MRTFA: variants seen among roughly 807,000 people sequenced by gnomAD.
MRTFA encodes myocardin related transcription factor A, also known as myocardin-related transcription factor A.
In MRTFA, 20 loss-of-function variants were observed where a neutral mutation model predicts 83.5. That is an observed-to-expected ratio of 0.24 (90% CI 0.17 to 0.35). MRTFA has a LOEUF of 0.35. Among genes scored for constraint, MRTFA ranks in the 10% least tolerant of loss-of-function variants. MRTFA has a pLI of 1.00. For missense variants in MRTFA, 1,200 were observed against 1,224.7 expected (o/e 0.98, Z 0.30); for synonymous variants, 659 against 541.2 (o/e 1.22, Z -3.02).
Position 40,417,003 on chromosome 22 carries a change from A to C in MRTFA, c.2561T>G (p.Ile854Ser). 1 of 1,598,994 alleles carries C rather than the reference A, an allele frequency of 6.3e-7. No homozygotes were observed. The highest frequency in any genetic ancestry group is 1.1e-5 in the South Asian group (1 of 87,932). ...GGGGTTACCTCCGCTCTGAATGAGA[A>C]TGTCAAACAGGTCGTCCATCTGCTG... The change falls in exon 14 of 15, where the codon ATT becomes AGT. Residue 854 changes from isoleucine to serine, a missense_variant. Around this residue, in one of 2 missense-constraint regions of MRTFA, gnomAD observed 1,107 missense variants for 1,041.8 expected, o/e 1.06. Coordinates refer to ENST00000355630, the MANE Select transcript of MRTFA (RefSeq NM_020831.6).
intron 3 of MRTFA, among the ~76,000 whole-genome samples, chr22:40,494,605 C>T (rs2054320442): frequency 6.6e-6 from 1 of 151,724 alleles, no homozygotes; most frequent in Non-Finnish European, 1.5e-5. Flanking sequence ...CACTCGAGCC[C>T]AGGGGGCGAA....
intron 2 of MRTFA, among the ~76,000 whole-genome samples, chr22:40,575,222 G>A (rs1418585866): frequency 6.6e-6 from 1 of 152,174 alleles, no homozygotes; most frequent in African/African-American, 2.4e-5. Flanking sequence ...TTCAATAGAT[G>A]TTAACTCCTT....
chr22:40,546,562 A>C (rs1467342811), intron 3 of MRTFA, among the ~76,000 whole-genome samples: 2 of 152,228 alleles, frequency 1.3e-5, no homozygotes, highest in African/African-American at 4.8e-5. Flanking sequence ...TGGCAATGGC[A>C]GTTTCTGAAG....
At chr22:40,613,387 A>G (rs76204748) in intron 1 of MRTFA, among the ~76,000 whole-genome samples, 1,660 of 152,338 alleles carry the variant, frequency 0.011, 12 homozygotes, top group Non-Finnish European at 0.018. Context: ...GAATAAGTAT[A>G]TATCTAACCT....
chr22:40,455,595 G>A (rs1285443031), intron 4 of MRTFA, among the ~76,000 whole-genome samples: 2 of 149,654 alleles, frequency 1.3e-5, no homozygotes, highest in African/African-American at 4.9e-5. Context: ...GCAGTGAGCC[G>A]AGATCGCGCC....
chr22:40,600,829 T>C (rs1307439447), intron 1 of MRTFA, among the ~76,000 whole-genome samples: 1 of 152,090 alleles, frequency 6.6e-6, no homozygotes, highest in Non-Finnish European at 1.5e-5. Context: ...GATACAAAAA[T>C]TAGCCGGCCG....
intron 3 of MRTFA, among the ~76,000 whole-genome samples, chr22:40,463,686 C>T (rs2053758147): frequency 6.6e-6 from 1 of 151,780 alleles, no homozygotes; most frequent in Non-Finnish European, 1.5e-5. Flanking sequence ...AAATGTTTAC[C>T]ACCATAAGTA....
chr22:40,426,222 C>T (rs1322786314), intron 7 of MRTFA, among the ~76,000 whole-genome samples: 3 of 152,106 alleles, frequency 2.0e-5, no homozygotes, highest in Non-Finnish European at 4.4e-5. Context: ...TCATCTGAGC[C>T]AAACTTCCTT....
chr22:40,630,412 A>C (rs1321327241), intron 1 of MRTFA, among the ~76,000 whole-genome samples: 2 of 152,186 alleles, frequency 1.3e-5, no homozygotes, highest in Non-Finnish European at 2.9e-5. Context: ...AAACAAAAGA[A>C]ACAAACAAAA....
At chr22:40,614,636 A>T (rs1050410054) in intron 1 of MRTFA, among the ~76,000 whole-genome samples, 1 of 152,032 alleles carries the variant, frequency 6.6e-6, no homozygotes, top group Non-Finnish European at 1.5e-5. Context: ...TACTGGCATA[A>T]GCCACCACAC....
chr22:40,548,682 G>A (rs565040222), intron 3 of MRTFA, among the ~76,000 whole-genome samples: 356 of 152,072 alleles, frequency 2.3e-3, no homozygotes, highest in Non-Finnish European at 4.3e-3. Flanking sequence ...TGGCCAACAT[G>A]GTGAAACCCC....
chr22:40,469,250 G>C (rs1477915474), intron 3 of MRTFA, among the ~76,000 whole-genome samples: 1 of 152,200 alleles, frequency 6.6e-6, no homozygotes, highest in Non-Finnish European at 1.5e-5. Context: ...GCGGGGCCTA[G>C]TGGGAAGTGT....
At chr22:40,453,406 G>A (rs2053529658) in intron 4 of MRTFA, among the ~76,000 whole-genome samples, 1 of 152,204 alleles carries the variant, frequency 6.6e-6, no homozygotes, top group African/African-American at 2.4e-5. Context: ...CCGGACTGGG[G>A]CAGAGGGCCA....
intron 2 of MRTFA, among the ~76,000 whole-genome samples, chr22:40,591,531 G>A (rs183546212): frequency 1.3e-4 from 20 of 152,276 alleles, no homozygotes; most frequent in African/African-American, 4.1e-4. Context: ...AATAAAATGT[G>A]CGCCTTACTT....
intron 1 of MRTFA, among the ~76,000 whole-genome samples, chr22:40,603,752 G>GA (rs913530499): frequency 1.0e-4 from 15 of 147,098 alleles, no homozygotes; most frequent in Admixed American, 2.0e-4. Context: ...GTCACATGTT[G>GA]AAAAAAAAAA....
Position 40,419,046 on chromosome 22 carries a change from G to A in MRTFA, c.1692C>T (p.Ser564=). 6.2e-7 allele frequency: 1 copy of A among 1,611,910 alleles called. No homozygotes were observed. The highest frequency in any genetic ancestry group is 1.1e-5 in the South Asian group (1 of 90,966). The change falls in exon 12 of 15, where the codon AGC becomes AGT. Residue 564 remains serine, a synonymous_variant. Transcript: ENST00000355630. Reference sequence around the variant, plus strand: ...CGGGGGTGGAGTTTTCATCGCCCGTGCTGAGCAGTGAGCGCTCCGAGGGGG... The same window carrying A: ...CGGGGGTGGAGTTTTCATCGCCCGTACTGAGCAGTGAGCGCTCCGAGGGGG...
intron 14 of MRTFA, chr22:40,412,464 G>C (rs1265774510): frequency 6.6e-6 from 1 of 152,222 alleles, no homozygotes; most frequent in Non-Finnish European, 1.5e-5. Flanking sequence ...ATATGATCTA[G>C]CAATTCCACT....
chr22:40,615,221 G>C (rs2056434711), intron 1 of MRTFA, among the ~76,000 whole-genome samples: 1 of 152,122 alleles, frequency 6.6e-6, no homozygotes, highest in African/African-American at 2.4e-5. Context: ...ATATCCACTT[G>C]TTCCAGCAAT....
intron 1 of MRTFA, among the ~76,000 whole-genome samples, chr22:40,607,791 C>A (rs2056335860): frequency 6.6e-6 from 1 of 152,178 alleles, no homozygotes; most frequent in South Asian, 2.1e-4. Context: ...CACACTAGGG[C>A]AAACTATTCT....
Sources: gnomAD v4.1 joint callset for allele counts (sites outside exome capture counted in the v4.1 genomes callset) on GRCh38, gnomAD v4.1.1 for gene constraint, gnomAD v4.1.1 regional missense constraint, MANE v1.5 for transcripts, NCBI Gene and HGNC (gene_info 2026-07-23, HGNC 2026-07-21) for gene names.